The following CHST9 variants were observed in gnomAD, a reference collection of about 807,000 sequenced individuals.
The protein encoded by CHST9 is GalNAc-4-sulfotransferase 2.
CHST9 carries 41 observed loss-of-function variants against 44.4 expected under a neutral mutation model. The observed-to-expected ratio is 0.92, with a 90% CI of 0.72 to 1.20. The LOEUF (loss-of-function observed/expected upper bound fraction) is 1.20, where lower values mean the gene tolerates loss of function less well. Ranked by LOEUF, CHST9 falls within the 50% of genes most tolerant of loss-of-function variation. The pLI, the probability that CHST9 is intolerant of heterozygous loss-of-function variation, is 0.00. For missense variants in CHST9, 504 were observed against 516.5 expected (o/e 0.98, Z 0.23); for synonymous variants, 171 against 178.4 (o/e 0.96, Z 0.33).
chr18:27,046,664 T>C (rs1321371940), intron 3 of CHST9, among the ~76,000 whole-genome samples: 2 of 152,078 alleles, frequency 1.3e-5, no homozygotes, highest in East Asian at 1.9e-4. Flanking sequence ...CTGATTGTAG[T>C]ATTTATGACT....
At chr18:27,137,665 A>G (rs2058527621) in intron 2 of CHST9, among the ~76,000 whole-genome samples, 1 of 152,158 alleles carries the variant, frequency 6.6e-6, no homozygotes, top group African/African-American at 2.4e-5. Context: ...TGGGAGTGAT[A>G]TAATCCAATT....
chr18:27,076,298 T>C (rs2057902860), intron 2 of CHST9, among the ~76,000 whole-genome samples: 1 of 152,192 alleles, frequency 6.6e-6, no homozygotes, highest in Admixed American at 6.6e-5. Context: ...CTCTATCCTG[T>C]TTATTTTAAT....
intron 2 of CHST9, among the ~76,000 whole-genome samples, chr18:27,077,977 T>C (rs1406115118): frequency 6.6e-6 from 1 of 151,854 alleles, no homozygotes; most frequent in African/African-American, 2.4e-5. Flanking sequence ...AAAGAGAGCA[T>C]GAAGGGGGAG....
intron 4 of CHST9, among the ~76,000 whole-genome samples, chr18:26,972,011 G>T (rs1598606119): frequency 6.6e-6 from 1 of 152,256 alleles, no homozygotes; most frequent in South Asian, 2.1e-4. Flanking sequence ...TGGTGAGGAG[G>T]TTGTGATGGA....
chr18:27,048,469 A>C lies in CHST9; in HGVS notation c.156T>G (p.Thr52=), dbSNP rs530642565. The C allele has an allele frequency of 3.7e-6, 6 of 1,607,512 alleles. No homozygotes were observed. The African/African-American group carries it at 8.0e-5, about 21-fold the overall frequency. The change falls in exon 3 of 6, where the codon ACT becomes ACG. Residue 52 remains threonine (T), a synonymous_variant. Coordinates refer to ENST00000618847, the MANE Select transcript of CHST9 (RefSeq NM_031422.6). ...GCCCATTGGACAAAATCTTACCTGA[A>C]GTTACTTTTTGTTCTCTTCTCTTCT... ...RVEKRREQKV[T]SGWGPVKYLR...
chr18:26,925,910 C>T (rs1398825899), intron 5 of CHST9: 1 of 152,018 alleles, frequency 6.6e-6, no homozygotes, highest in Admixed American at 6.5e-5. Flanking sequence ...TTCTCCTCTT[C>T]CTTCTCTCTC....
chr18:26,916,885 C>A lies in CHST9; in HGVS notation c.706G>T (p.Gly236Ter). ...ATGTTGTATGCAGAGGAAGCCAATC[C>A]ATTTAGTACCATCAGAATTCTTTTC... ...NWKRILMVLNGLASSAYNISH... is the reference protein window; with the variant it reads ...NWKRILMVLN Residue 236 changes from glycine to a stop codon, truncating the protein, a stop_gained, in exon 6 of 6, where the codon GGA (glycine) becomes TGA (stop). Coordinates refer to ENST00000618847, the MANE Select transcript of CHST9 (RefSeq NM_031422.6). LOFTEE classifies it high-confidence loss of function. 3 of 1,613,880 alleles carry A rather than the reference C, an allele frequency of 1.9e-6. No individual in the cohort carries two copies. In the Admixed American group the frequency reaches 5.0e-5, roughly 27 times the overall value.
At chr18:26,929,967 C>A (rs983879982) in intron 5 of CHST9, among the ~76,000 whole-genome samples, 21 of 152,170 alleles carry the variant, frequency 1.4e-4, no homozygotes, top group African/African-American at 4.8e-4. Context: ...AGCAGCATTG[C>A]CATGTGCGAG....
intron 3 of CHST9, among the ~76,000 whole-genome samples, chr18:27,034,094 T>C (rs980817811): frequency 6.6e-6 from 1 of 152,232 alleles, no homozygotes; most frequent in Non-Finnish European, 1.5e-5. Flanking sequence ...ATTGCTTTGG[T>C]AGCTAACAGT....
intron 2 of CHST9, among the ~76,000 whole-genome samples, chr18:27,058,018 T>C (rs972841158): frequency 1.3e-5 from 2 of 152,214 alleles, no homozygotes; most frequent in African/African-American, 4.8e-5. Flanking sequence ...CTTTTGATAT[T>C]CAGGATCTCA....
At chr18:27,104,056 T>C (rs8097772) in intron 2 of CHST9, among the ~76,000 whole-genome samples, 1 of 151,944 alleles carries the variant, frequency 6.6e-6, no homozygotes, top group Non-Finnish European at 1.5e-5. Flanking sequence ...TAAAATCTTC[T>C]ATCATACTTT....
At chr18:26,972,107 A>G (rs531273532) in intron 4 of CHST9, among the ~76,000 whole-genome samples, 1 of 152,104 alleles carries the variant, frequency 6.6e-6, no homozygotes, top group African/African-American at 2.4e-5. Context: ...CTGCAATCCC[A>G]GCACTTTGGG....
intron 1 of CHST9, among the ~76,000 whole-genome samples, chr18:27,158,354 G>A (rs1176936119): frequency 6.6e-6 from 1 of 151,242 alleles, no homozygotes; most frequent in East Asian, 1.9e-4. Context: ...AACATGCAGT[G>A]TTTGGTTTTT....
chr18:27,142,785 T>C lies in CHST9; in HGVS notation c.25A>G (p.Asn9Asp), dbSNP rs543771549. Residue 9 changes from asparagine (N) to aspartate (D), a missense_variant, in exon 2 of 6, where the codon AAC becomes GAC. Coordinates refer to ENST00000618847, the MANE Select transcript of CHST9 (RefSeq NM_031422.6). ...ACAGAGAGGAAGACTTGTTTGGGGT[T>C]CATGACCATTTCAGATGGCTGCATT... MQPSEMVM[N>D]PKQVFLSVLI... is the part of the protein sequence containing the mutation. 1.1e-5 allele frequency: 18 copies of C among 1,610,642 alleles called. No individual in the cohort carries two copies. In the African/African-American group the frequency reaches 2.4e-4, roughly 21 times the overall value.
intron 4 of CHST9, among the ~76,000 whole-genome samples, chr18:26,992,620 CTT>C (rs796715944): frequency 7.0e-6 from 1 of 143,104 alleles, no homozygotes; most frequent in Non-Finnish European, 1.5e-5. Flanking sequence ...GAAATTCTTT[CTT>C]TTTTTTTTTT....
chr18:27,065,393 C>G (rs766316738), intron 2 of CHST9, among the ~76,000 whole-genome samples: 36 of 152,140 alleles, frequency 2.4e-4, no homozygotes, highest in Non-Finnish European at 3.1e-4. Flanking sequence ...ATGGCAGCCA[C>G]TTTCTTTTGC....
intron 2 of CHST9, among the ~76,000 whole-genome samples, chr18:27,077,163 G>A (rs557142966): frequency 2.0e-5 from 3 of 152,274 alleles, no homozygotes; most frequent in South Asian, 4.1e-4. Flanking sequence ...CATTGGTGGT[G>A]CTAGTGGGTT....
At chr18:26,959,959 T>G (rs946212319) in intron 4 of CHST9, among the ~76,000 whole-genome samples, 1 of 151,786 alleles carries the variant, frequency 6.6e-6, no homozygotes, top group Non-Finnish European at 1.5e-5. Flanking sequence ...GGGGTTAGGA[T>G]GGGGAAAAAA....
chr18:27,173,508 A>G (rs1002939882), intron 1 of CHST9, among the ~76,000 whole-genome samples: 6 of 152,084 alleles, frequency 3.9e-5, no homozygotes, highest in Non-Finnish European at 8.8e-5. Context: ...AAAATTTCTC[A>G]TGTTGAAAAG....
Sources: gnomAD v4.1 joint callset for allele counts (sites outside exome capture counted in the v4.1 genomes callset) on GRCh38, gnomAD v4.1.1 for gene constraint, MANE v1.5 for transcripts, NCBI Gene and HGNC (gene_info 2026-07-23, HGNC 2026-07-21) for gene names.